Variants in CDH13 observed in about 807,000 individuals in gnomAD.
CDH13 encodes the protein cadherin-13.
Under a neutral mutation model 63.8 loss-of-function variants are expected in CDH13, and 24 were observed. That is an observed-to-expected ratio of 0.38 (90% CI 0.27 to 0.53). CDH13 has a LOEUF of 0.53. Among genes scored for constraint, CDH13 ranks in the 20% least tolerant of loss-of-function variants. The pLI is 0.85. For synonymous variants in CDH13, 503 were observed against 355.3 expected, an observed-to-expected ratio of 1.42 and a Z score of -4.67; for missense variants, 1,049 against 903.1, an observed-to-expected ratio of 1.16 and a Z score of -2.07.
chr16:83,443,735 AATATATATATAT>A lies in CDH13; in HGVS notation c.782-42725_782-42714del, dbSNP rs1192288855. Among the ~76,000 whole-genome samples the A allele has an allele frequency of 4.5e-3, 90 of 20,110 alleles. 1 individual carries two copies. The highest frequency in any genetic ancestry group is 0.01 in the African/African-American group (89 of 8,678). The allele number at this position is 20,110 out of a possible 152,430, so 13.2% of individuals were successfully genotyped here. ...AAAAAAAAAAAAAAAAAAAAAAAAA[AATATATATATAT>A]ATATATATATATATATGGAGAGAAA... is the stretch of plus-strand genomic sequence containing the variant. On this transcript the variant is annotated intron_variant, in intron 6 of 13. Transcript: ENST00000567109.
chr16:83,608,554 C>T (rs979431431), intron 8 of CDH13, among the ~76,000 whole-genome samples: 4 of 151,996 alleles, frequency 2.6e-5, no homozygotes, highest in African/African-American at 7.3e-5. Flanking sequence ...ATCATAGTTT[C>T]GGCTCACTGC....
intron 7 of CDH13, among the ~76,000 whole-genome samples, chr16:83,551,897 A>C (rs2075507358): frequency 6.6e-6 from 1 of 152,330 alleles, no homozygotes; most frequent in African/African-American, 2.4e-5. Flanking sequence ...GTTAGTTGAA[A>C]GAAAAAATGG....
rs529254603 is a variant in CDH13, at chr16:83,243,411, G to C, written c.636+25914G>C. Reference sequence around the variant, plus strand: ...TTTATAAAAGCATCAGATCTCATGAGACTTATTAACTATCATGAGAACAGC... The same window carrying C: ...TTTATAAAAGCATCAGATCTCATGACACTTATTAACTATCATGAGAACAGC... On this transcript the variant is annotated intron_variant, in intron 5 of 13. Transcript: ENST00000567109. 9.2e-5 allele frequency among the ~76,000 whole-genome samples: 14 copies of C among 152,244 alleles called. 2 individuals are homozygous for C. The South Asian group carries it at 2.9e-3, about 32-fold the overall frequency.
chr16:83,333,281 A>G (rs756933325), intron 5 of CDH13, among the ~76,000 whole-genome samples: 7 of 152,194 alleles, frequency 4.6e-5, no homozygotes, highest in Non-Finnish European at 7.3e-5. Context: ...CGGTAATAGA[A>G]AAGCAATTTC....
intron 1 of CDH13, among the ~76,000 whole-genome samples, chr16:82,679,117 C>A (rs3893935): frequency 6.6e-6 from 1 of 152,140 alleles, no homozygotes; most frequent in African/African-American, 2.4e-5. Flanking sequence ...AAAGCTTGCC[C>A]GAGGAACGCC....
intron 1 of CDH13, among the ~76,000 whole-genome samples, chr16:82,790,737 T>C (rs530895852): frequency 2.0e-5 from 3 of 152,308 alleles, no homozygotes; most frequent in African/African-American, 7.2e-5. Flanking sequence ...CATGATTGTT[T>C]ACCAGGCAGC....
Position 82,915,058 on chromosome 16 carries a change from T to C in CDH13, c.157+56585T>C, listed in dbSNP as rs561170814. On this transcript the variant is annotated intron_variant, in intron 2 of 13. Coordinates refer to ENST00000567109, the MANE Select transcript of CDH13 (RefSeq NM_001257.5). ...TCACTGAATCCTAATCAACTTAATA[T>C]CCTGTTGCCTTTTTGAAATCCAGTG... Among the ~76,000 whole-genome samples the C allele has an allele frequency of 1.5e-4, 23 of 152,344 alleles. No homozygotes were observed. In the East Asian group the frequency reaches 4.1e-3, roughly 27 times the overall value.
intron 2 of CDH13, among the ~76,000 whole-genome samples, chr16:82,870,519 G>A (rs60085449): frequency 4.1e-4 from 63 of 152,204 alleles, no homozygotes; most frequent in African/African-American, 1.4e-3. Flanking sequence ...AATAAAGTGG[G>A]GTTGGTTAAT....
chr16:83,652,173 A>AGTG (rs1337106036), intron 8 of CDH13, among the ~76,000 whole-genome samples: 4 of 152,252 alleles, frequency 2.6e-5, no homozygotes, highest in African/African-American at 9.6e-5. Context: ...AATGGGAATC[A>AGTG]GTGGTGCAAA....
chr16:82,642,305 C>T (rs572040233), intron 1 of CDH13, among the ~76,000 whole-genome samples: 19 of 152,246 alleles, frequency 1.2e-4, no homozygotes, highest in Admixed American at 3.9e-4. Context: ...ACACAGTTGT[C>T]ATTAGCCTTG....
At chr16:83,552,428 C>G (rs896323574) in intron 7 of CDH13, among the ~76,000 whole-genome samples, 6 of 152,202 alleles carry the variant, frequency 3.9e-5, no homozygotes, top group African/African-American at 1.4e-4. Context: ...ATTGCTCGTG[C>G]TCACATGCTA....
chr16:83,140,575 C>T (rs56815662), intron 4 of CDH13, among the ~76,000 whole-genome samples: 36,850 of 151,924 alleles, frequency 0.24, 4,594 homozygotes, highest in African/African-American at 0.29. Flanking sequence ...TGCCTCAGCC[C>T]CCAGGGTAGC....
intron 3 of CDH13, among the ~76,000 whole-genome samples, chr16:83,110,214 C>T (rs1489148052): frequency 1.3e-5 from 2 of 152,208 alleles, no homozygotes; most frequent in Non-Finnish European, 2.9e-5. Context: ...TGTACAGAAA[C>T]TTGCAGATCT....
rs995934374 is a variant in CDH13, at chr16:83,799,895, G to C, written c.*4865G>C. The C allele has an allele frequency of 6.6e-6, 1 of 152,156 alleles. No individual in the cohort carries two copies. Among genetic ancestry groups the C allele is most frequent in the African/African-American group, 2.4e-5 (1 of 41,422 alleles). The allele number at this position is 152,156 out of a possible 1,614,324, so 9.4% of individuals were successfully genotyped here. The stretch of plus-strand genomic sequence containing the variant: ...AAGACATGGAGAGACAGCAAAAAAT[G>C]GTGGGAATGGGTGTGTGTATGAGGG... On this transcript the variant is annotated 3_prime_UTR_variant, in exon 14 of 14. Transcript: ENST00000567109.
intron 4 of CDH13, among the ~76,000 whole-genome samples, chr16:83,191,472 T>TATATGCAC (rs2038700875): frequency 8.7e-6 from 1 of 115,462 alleles, no homozygotes; most frequent in Non-Finnish European, 1.8e-5. Context: ...TATATATATA[T>TATATGCAC]ATATATATAT....
At chr16:82,754,445 T>G (rs1380384805) in intron 1 of CDH13, among the ~76,000 whole-genome samples, 1 of 152,204 alleles carries the variant, frequency 6.6e-6, no homozygotes, top group Non-Finnish European at 1.5e-5. Context: ...AGAGAGCTGT[T>G]GGAACCTGCC....
intron 6 of CDH13, among the ~76,000 whole-genome samples, chr16:83,346,188 G>A (rs2090836107): frequency 6.6e-6 from 1 of 152,206 alleles, no homozygotes; most frequent in Non-Finnish European, 1.5e-5. Flanking sequence ...GTTTAGGGGA[G>A]TGTTGGAGGC....
chr16:83,395,828 A>G (rs1010271594), intron 6 of CDH13, among the ~76,000 whole-genome samples: 2 of 152,154 alleles, frequency 1.3e-5, no homozygotes, highest in Non-Finnish European at 2.9e-5. Context: ...GAGTACATGC[A>G]CAGGATGTGT....
intron 7 of CDH13, among the ~76,000 whole-genome samples, chr16:83,506,738 C>T (rs1218614169): frequency 6.6e-6 from 1 of 152,236 alleles, no homozygotes; most frequent in African/African-American, 2.4e-5. Context: ...TTTCTTGCTA[C>T]AGGCAAAGCC....
Sources: allele counts gnomAD v4.1 joint callset (sites outside exome capture counted in the v4.1 genomes callset), GRCh38; gene constraint gnomAD v4.1.1; transcripts MANE v1.5; gene names NCBI Gene and HGNC (gene_info 2026-07-23, HGNC 2026-07-21).